Variants in ANKRD45 observed in about 807,000 individuals in gnomAD.
The protein encoded by ANKRD45 is ankyrin repeat domain-containing protein 45.
A neutral mutation model predicts 28.1 loss-of-function variants in ANKRD45; 21 were observed. The ratio of observed to expected loss-of-function variants is 0.75; its 90% CI spans 0.53 to 1.08. The LOEUF is 1.08. Ranked by LOEUF, ANKRD45 falls within the 50% of genes least tolerant of loss-of-function variation. ANKRD45 has a pLI of 0.00. For missense variants in ANKRD45, 261 were observed against 308.7 expected, an observed-to-expected ratio of 0.85 and a Z score of 1.16; for synonymous variants, 86 against 103.9, an observed-to-expected ratio of 0.83 and a Z score of 1.05.
the ANKRD45 span, among the ~76,000 whole-genome samples, chr1:173,682,722 C>CACACACACACACACACACAT: frequency 2.9e-4 from 43 of 148,800 alleles, no homozygotes; most frequent in Admixed American, 8.2e-4. Flanking sequence ...CACACACACA[C>CACACACACACACACACACAT]ATCTTGGATG....
chr1:173,665,644 G>A (rs2102399694), intron 1 of ANKRD45, among the ~76,000 whole-genome samples: 1 of 152,184 alleles, frequency 6.6e-6, no homozygotes, highest in South Asian at 2.1e-4. Flanking sequence ...GCTCTTTACA[G>A]TCTTAAAAAT....
the ANKRD45 span, among the ~76,000 whole-genome samples, chr1:173,697,598 T>C: frequency 8.4e-4 from 128 of 152,258 alleles, no homozygotes; most frequent in African/African-American, 2.9e-3. Flanking sequence ...TAAAATCCTT[T>C]ACAGACAAGC....
chr1:173,675,274 GA>G, the ANKRD45 span: 46 of 264,150 alleles, frequency 1.7e-4, no homozygotes, highest in Middle Eastern at 1.5e-3. Context: ...AAAAAAGAAG[GA>G]AAAAAAATTG....
intron 4 of ANKRD45, among the ~76,000 whole-genome samples, chr1:173,625,931 A>G (rs1667916970): frequency 6.6e-6 from 1 of 152,182 alleles, no homozygotes; most frequent in African/African-American, 2.4e-5. Flanking sequence ...CTATGTATAC[A>G]TAATAATTTC....
chr1:173,657,287 CA>C, intron 2 of ANKRD45: 2 of 285,932 alleles, frequency 7.0e-6, no homozygotes, highest in South Asian at 2.8e-5. Flanking sequence ...GCCAACGTGG[CA>C]AAACCCCCTC....
chr1:173,650,460 C>T (rs1669133657), intron 2 of ANKRD45, among the ~76,000 whole-genome samples: 1 of 152,166 alleles, frequency 6.6e-6, no homozygotes, highest in South Asian at 2.1e-4. Flanking sequence ...CAGAGCATTC[C>T]GTGGTATATA....
chr1:173,713,415 A>G, the ANKRD45 span, among the ~76,000 whole-genome samples: 1 of 152,174 alleles, frequency 6.6e-6, no homozygotes, highest in Non-Finnish European at 1.5e-5. Context: ...AAATAATTAC[A>G]GTCCTTCCCC....
rs1558122221 is a variant in ANKRD45, at chr1:173,624,914, G to A, written c.603C>T (p.Leu201=). Residue 201 remains leucine, a synonymous_variant, in exon 5 of 6, where the codon CTC becomes CTT. Coordinates refer to ENST00000333279, the MANE Select transcript of ANKRD45 (RefSeq NM_198493.3). ...KLLKEDKNTI[L]SACRAKNEWL... ...ACTCATTTTTTGCACGGCATGCACT[G>A]AGGATGGTATTCTAGGGACAGAAAT... The A allele has an allele frequency of 1.9e-6, 3 of 1,613,124 alleles. No individual in the cohort carries two copies. Among genetic ancestry groups the A allele is most frequent in the East Asian group, 4.5e-5 (2 of 44,838 alleles).
chr1:173,649,168 TATTTGAATAATC>T (rs2102364925), intron 2 of ANKRD45, among the ~76,000 whole-genome samples: 1 of 152,318 alleles, frequency 6.6e-6, no homozygotes, highest in South Asian at 2.1e-4. Context: ...TTATAAGCAA[TATTTGAATAATC>T]ATCTTATACT....
chr1:173,661,006 A>C (rs1256728031), intron 1 of ANKRD45, among the ~76,000 whole-genome samples: 2 of 152,182 alleles, frequency 1.3e-5, no homozygotes, highest in Non-Finnish European at 2.9e-5. Context: ...AATATAAATG[A>C]ATCTTACCAA....
At chr1:173,610,583 G>A (rs1667101389) in intron 5 of ANKRD45, among the ~76,000 whole-genome samples, 1 of 152,112 alleles carries the variant, frequency 6.6e-6, no homozygotes, top group East Asian at 1.9e-4. Flanking sequence ...TAGAGAACAT[G>A]TGATATAGGG....
intron 5 of ANKRD45, among the ~76,000 whole-genome samples, chr1:173,610,598 G>A (rs1001150587): frequency 1.4e-4 from 22 of 151,992 alleles, no homozygotes; most frequent in Non-Finnish European, 2.8e-4. Context: ...ATAGGGGGTC[G>A]GGGGAGAGAG....
intron 3 of ANKRD45, among the ~76,000 whole-genome samples, chr1:173,631,498 T>G (rs969979410): frequency 1.3e-5 from 2 of 152,088 alleles, no homozygotes; most frequent in African/African-American, 4.8e-5. Flanking sequence ...CTACTAGATA[T>G]TTACAGAACA....
chr1:173,637,556 T>C (rs1449030339), intron 3 of ANKRD45, among the ~76,000 whole-genome samples: 1 of 152,232 alleles, frequency 6.6e-6, no homozygotes, highest in East Asian at 1.9e-4. Context: ...TCTCTTCCTT[T>C]GTTCTCCTCT....
At chr1:173,698,936 A>T in the ANKRD45 span, among the ~76,000 whole-genome samples, 1 of 152,146 alleles carries the variant, frequency 6.6e-6, no homozygotes, top group Non-Finnish European at 1.5e-5. Context: ...AAGACTAATA[A>T]AGAAGAAAAG....
intron 5 of ANKRD45, among the ~76,000 whole-genome samples, chr1:173,613,248 G>A (rs1442781913): frequency 4.0e-5 from 6 of 150,602 alleles, no homozygotes; most frequent in Non-Finnish European, 8.9e-5. Context: ...CCGCGACCCC[G>A]TCTGGGAGGT....
At chr1:173,666,603 G>A (rs727924) in intron 1 of ANKRD45, among the ~76,000 whole-genome samples, 52,493 of 151,972 alleles carry the variant, frequency 0.35, 13,105 homozygotes, top group African/African-American at 0.71. Context: ...AATGACAAGA[G>A]AAAAAGTCTG....
chr1:173,646,772 G>A (rs1668951384), intron 3 of ANKRD45, 74 bp downstream of exon 3: 1 of 1,441,680 alleles, frequency 6.9e-7, no homozygotes, highest in Non-Finnish European at 9.5e-7. Flanking sequence ...GAAAAAAGGT[G>A]ACATATCCTG....
At chr1:173,688,409 T>TCCC in the ANKRD45 span, among the ~76,000 whole-genome samples, 1 of 133,280 alleles carries the variant, frequency 7.5e-6, no homozygotes, top group African/African-American at 3.8e-5. Context: ...TCTCTGCCTC[T>TCCC]TCCTCTCTCT....
Sources: gnomAD v4.1 joint callset for allele counts (sites outside exome capture counted in the v4.1 genomes callset) on GRCh38, gnomAD v4.1.1 for gene constraint, MANE v1.5 for transcripts, NCBI Gene and HGNC (gene_info 2026-07-23, HGNC 2026-07-21) for gene names.